The following EED variants were observed in gnomAD, a reference collection of about 807,000 sequenced individuals.
EED encodes polycomb protein EED.
In EED, 9 loss-of-function variants were observed where a neutral mutation model predicts 61.0. That is an observed-to-expected ratio of 0.15 (90% CI 0.09 to 0.26). EED has a LOEUF of 0.26. EED is among the 10% of genes least tolerant of loss of function. The pLI is 1.00. For synonymous variants in EED, 187 were observed against 174.4 expected, an observed-to-expected ratio of 1.07 and a Z score of -0.57; for missense variants, 315 against 542.3, an observed-to-expected ratio of 0.58 and a Z score of 4.16.
chr11:86,286,923 GAT>G, the EED span, among the ~76,000 whole-genome samples: 1 of 125,976 alleles, frequency 7.9e-6, no homozygotes, highest in East Asian at 2.6e-4. Context: ...AGTGAGCCAA[GAT>G]AGCGCCACTG....
At chr11:86,255,430 G>A (rs1945643710) in intron 4 of EED, 143 bp downstream of exon 4, 4 of 652,276 alleles carry the variant, frequency 6.1e-6, no homozygotes, top group Non-Finnish European at 1.0e-5. Context: ...AGAGAATCCT[G>A]TATCTAGTTT....
intron 10 of EED, chr11:86,277,377 T>C (rs1048591367): frequency 9.1e-6 from 3 of 328,880 alleles, no homozygotes; most frequent in Non-Finnish European, 1.7e-5. Context: ...TAGGTATCAA[T>C]GGTGGAAATT....
At chr11:86,277,571 T>C (rs182881992) in intron 10 of EED, 2 of 185,234 alleles carry the variant, frequency 1.1e-5, no homozygotes, top group Admixed American at 6.1e-5. Flanking sequence ...TGGTAACAAA[T>C]TACTTGGGTA....
At chr11:86,261,124 CA>C (rs1945816255) in intron 6 of EED, among the ~76,000 whole-genome samples, 6 of 152,112 alleles carry the variant, frequency 3.9e-5, no homozygotes, top group Admixed American at 2.6e-4. Flanking sequence ...GGGTGAGACT[CA>C]AGGCAGGATT....
chr11:86,280,051 C>T (rs1030010186), downstream of EED, among the ~76,000 whole-genome samples: 4 of 152,040 alleles, frequency 2.6e-5, no homozygotes, highest in South Asian at 2.1e-4. Flanking sequence ...CCTTTTGGTC[C>T]GTAGAAATGT....
chr11:86,286,619 AC>A, the EED span, among the ~76,000 whole-genome samples: 1 of 152,144 alleles, frequency 6.6e-6, no homozygotes, highest in East Asian at 1.9e-4. Flanking sequence ...TCAGGCTTGA[AC>A]AAGGTATCAT....
intron 4 of EED, among the ~76,000 whole-genome samples, chr11:86,255,541 ATG>A (rs1945647592): frequency 6.6e-6 from 1 of 152,158 alleles, no homozygotes. Flanking sequence ...TTGGGTGCAG[ATG>A]TCTATAGAGA....
rs533617822 is a variant in EED, at chr11:86,255,918, T to TA, written c.427-465dup. Among the ~76,000 whole-genome samples the TA allele has an allele frequency of 2.0e-4, 30 of 152,308 alleles. No individual in the cohort carries two copies. In the East Asian group the frequency reaches 5.8e-3, roughly 29 times the overall value. On this transcript the variant is annotated intron_variant, in intron 4 of 11. Coordinates refer to ENST00000263360, the MANE Select transcript of EED (RefSeq NM_003797.5). The stretch of plus-strand genomic sequence containing the variant: ...CAAGGCAAGGACATTCAGTCTTCTC[T>TA]AAAAGATATTGAAATGTGACCTGTT...
intron 6 of EED, among the ~76,000 whole-genome samples, chr11:86,263,601 A>C (rs944500934): frequency 6.6e-6 from 1 of 152,158 alleles, no homozygotes. Context: ...GGCTAGTCTC[A>C]AACTCCTGGG....
At chr11:86,275,001 G>T (rs903280811) in intron 9 of EED, among the ~76,000 whole-genome samples, 1 of 152,032 alleles carries the variant, frequency 6.6e-6, no homozygotes, top group African/African-American at 2.4e-5. Flanking sequence ...ACTTTTTTTG[G>T]TTCATTGGCT....
chr11:86,258,511 T>C (rs907101652), intron 6 of EED, among the ~76,000 whole-genome samples: 8 of 151,886 alleles, frequency 5.3e-5, no homozygotes, highest in Non-Finnish European at 1.0e-4. Flanking sequence ...GCCTCACTTG[T>C]TCTAAATATT....
intron 1 of EED, among the ~76,000 whole-genome samples, chr11:86,245,832 G>A (rs1945377858): frequency 6.6e-6 from 1 of 152,156 alleles, no homozygotes; most frequent in Non-Finnish European, 1.5e-5. Context: ...ATTAAAGGGG[G>A]TTTTGTGTCC....
rs151091839 is a variant in EED at position 86,272,907 on chromosome 11, T to A, written c.967-4073T>A. 5.2e-3 allele frequency among the ~76,000 whole-genome samples: 791 copies of A among 152,380 alleles called. 7 individuals carry two copies. The highest frequency in any genetic ancestry group is 0.014 in the Middle Eastern group (4 of 294). On this transcript the variant is annotated intron_variant, in intron 9 of 11. Transcript: ENST00000263360. ...TCTGCCATTTTTCTTTTTGTCTTTT[T>A]CATTTCTCTCTGAGTTTTTTCCCCC...
chr11:86,269,351 T>G (rs1946057249), intron 9 of EED, among the ~76,000 whole-genome samples: 1 of 152,174 alleles, frequency 6.6e-6, no homozygotes, highest in Admixed American at 6.5e-5. Context: ...TTTGTGTGTC[T>G]GTGTATTTTT....
chr11:86,245,643 A>G (rs1945374356), intron 1 of EED, among the ~76,000 whole-genome samples: 1 of 151,728 alleles, frequency 6.6e-6, no homozygotes, highest in Admixed American at 6.6e-5. Context: ...TTAAGGGGAG[A>G]GTGCGGGTCT....
At chr11:86,257,771 A>G (rs143091568) in intron 6 of EED, among the ~76,000 whole-genome samples, 175 bp downstream of exon 6, 1 of 152,370 alleles carries the variant, frequency 6.6e-6, no homozygotes, top group Non-Finnish European at 1.5e-5. Context: ...CACAAAGGCC[A>G]TCACAGCCTT....
intron 9 of EED, among the ~76,000 whole-genome samples, chr11:86,274,222 T>C (rs1307730283): frequency 6.6e-6 from 1 of 152,108 alleles, no homozygotes; most frequent in East Asian, 1.9e-4. Context: ...TGGGTTATAA[T>C]AGTATATTTT....
At chr11:86,270,935 C>A (rs976032062) in intron 9 of EED, among the ~76,000 whole-genome samples, 4 of 152,142 alleles carry the variant, frequency 2.6e-5, no homozygotes, top group Non-Finnish European at 5.9e-5. Flanking sequence ...TATAATTATT[C>A]TTGGAATCTG....
intron 7 of EED, chr11:86,265,628 T>G (rs1945955441): frequency 6.6e-6 from 1 of 152,210 alleles, no homozygotes; most frequent in Admixed American, 6.5e-5. Flanking sequence ...ATATTTTGAC[T>G]TAGAATTATA....
Sources: allele counts gnomAD v4.1 joint callset (sites outside exome capture counted in the v4.1 genomes callset), GRCh38; gene constraint gnomAD v4.1.1; transcripts MANE v1.5; gene names NCBI Gene and HGNC (gene_info 2026-07-23, HGNC 2026-07-21).